The following MRPL44 variants were observed in gnomAD, a reference collection of about 807,000 sequenced individuals.
MRPL44 encodes the protein large ribosomal subunit protein mL44.
Under a neutral mutation model 25.9 loss-of-function variants are expected in MRPL44, and 21 were observed. The observed-to-expected ratio is 0.81, with a 90% CI of 0.58 to 1.17. The LOEUF (loss-of-function observed/expected upper bound fraction) is 1.17, where lower values mean the gene tolerates loss of function less well. Ranked by LOEUF, MRPL44 falls within the 50% of genes most tolerant of loss-of-function variation. The probability of loss-of-function intolerance (pLI) is 0.00; values close to 1 mark genes in which losing one functional copy is unlikely to be tolerated. For synonymous variants in MRPL44, 169 were observed against 151.0 expected (o/e 1.12, Z -0.87); for missense variants, 410 against 398.9 (o/e 1.03, Z -0.24).
At chr2:223,957,267 T>C (rs16865355), upstream of MRPL44, 6 of 621,854 alleles carry the variant, frequency 9.6e-6, no homozygotes, top group East Asian at 2.7e-5. Flanking sequence ...AGGAGAGAAC[T>C]AGCGCAAGCG....
chr2:223,962,297 G>C (rs533813430), intron 2 of MRPL44, among the ~76,000 whole-genome samples: 1 of 152,016 alleles, frequency 6.6e-6, no homozygotes, highest in African/African-American at 2.4e-5. Context: ...CAAAGTGCTG[G>C]GATTATAGGT....
upstream of MRPL44, among the ~76,000 whole-genome samples, chr2:223,955,887 A>T (rs943999591): frequency 1.3e-5 from 2 of 152,216 alleles, no homozygotes; most frequent in Non-Finnish European, 2.9e-5. Context: ...AGCAGATTTT[A>T]AAAAACTGGT....
At chr2:223,965,284 T>C (rs1243407544) in intron 3 of MRPL44, among the ~76,000 whole-genome samples, 2 of 152,212 alleles carry the variant, frequency 1.3e-5, no homozygotes, top group Non-Finnish European at 2.9e-5. Context: ...TAATAGAACC[T>C]TTGTTTCATT....
chr2:223,951,029 A>G, the MRPL44 span, among the ~76,000 whole-genome samples: 1 of 152,110 alleles, frequency 6.6e-6, no homozygotes, highest in Non-Finnish European at 1.5e-5. Flanking sequence ...AGAGGAGCCA[A>G]CCTCCCCCTG....
At position 223,967,218 on chromosome 2, in the gene MRPL44, C is replaced by A; in HGVS notation, c.*184C>A. 1 of 614,786 alleles carries A rather than the reference C, an allele frequency of 1.6e-6. No homozygotes were observed. The highest frequency in any genetic ancestry group is 2.6e-6 in the Non-Finnish European group (1 of 379,884). 38.1% of individuals were successfully genotyped at this position (614,786 alleles called of 1,614,324 possible). On this transcript the variant is annotated 3_prime_UTR_variant, in exon 4 of 4. Transcript: ENST00000258383. ...GTTTTTGGTTTTGTTTTTCTGAAATCTTGGTTTGATCAAATCTTTTTTTTT... is the reference window on the plus strand; with the variant it reads ...GTTTTTGGTTTTGTTTTTCTGAAATATTGGTTTGATCAAATCTTTTTTTTT...
At chr2:223,964,002 C>CTTT (rs1689706283) in intron 3 of MRPL44, 68 bp downstream of exon 3, 1 of 1,239,426 alleles carries the variant, frequency 8.1e-7, no homozygotes, top group Non-Finnish European at 1.2e-6. Context: ...CTCACAAAGC[C>CTTT]TTAAAAACAC....
rs1553540352 is a variant in MRPL44, at chr2:223,967,060, C to T, written c.*26C>T. On this transcript the variant is annotated 3_prime_UTR_variant, in exon 4 of 4. Coordinates refer to ENST00000258383, the MANE Select transcript of MRPL44 (RefSeq NM_022915.5). ...CCGCCATGGATGCAGCAGCCTGAAA[C>T]TTGAGAGCGAAAGTGAGATAAATGT... 1.3e-6 allele frequency: 2 copies of T among 1,566,808 alleles called. No individual in the cohort carries two copies. Among genetic ancestry groups the T allele is most frequent in the Non-Finnish European group, 1.7e-6 (2 of 1,154,566 alleles).
At chr2:223,952,964 G>A (rs77247611), upstream of MRPL44, among the ~76,000 whole-genome samples, 1,489 of 152,266 alleles carry the variant, frequency 9.8e-3, 24 homozygotes, top group African/African-American at 0.034. Context: ...AAGCCATCAT[G>A]AGGATTGTAG....
intron 2 of MRPL44, among the ~76,000 whole-genome samples, chr2:223,960,829 G>C (rs374425209): frequency 6.6e-6 from 1 of 152,148 alleles, no homozygotes; most frequent in Non-Finnish European, 1.5e-5. Flanking sequence ...TAACTCTGTG[G>C]AGTAAGTTTT....
In MRPL44 at chr2:223,959,763, C is replaced by G. The variant is rs749615621; in HGVS notation, c.409C>G (p.Leu137Val). The G allele has an allele frequency of 5.0e-6, 8 of 1,614,078 alleles. No individual in the cohort carries two copies. In the Admixed American group the frequency reaches 1.2e-4, roughly 24 times the overall value. Residue 137 changes from leucine to valine, a missense_variant, in exon 2 of 4, where the codon CTT becomes GTT. Transcript: ENST00000258383. Reference sequence around the variant, plus strand: ...AGGGACATCTTTTTCACAGACTTGCCTTACACAGTTTCTTGAAGACGAGTA... The same window carrying G: ...AGGGACATCTTTTTCACAGACTTGCGTTACACAGTTTCTTGAAGACGAGTA... ...EQGTSFSQTC[L>V]TQFLEDEYPD...
upstream of MRPL44, among the ~76,000 whole-genome samples, chr2:223,955,644 G>A (rs571873639): frequency 2.6e-5 from 4 of 152,276 alleles, no homozygotes; most frequent in Admixed American, 1.3e-4. Flanking sequence ...CTCTTCCTAA[G>A]TGTGACTTTT....
the MRPL44 span, among the ~76,000 whole-genome samples, chr2:223,951,771 G>A: frequency 6.6e-6 from 1 of 152,096 alleles, no homozygotes; most frequent in Admixed American, 6.5e-5. Flanking sequence ...GAGCCACTGT[G>A]TCTGGCCCCT....
At position 223,967,086 on chromosome 2, in the gene MRPL44, C is replaced by T. The variant is rs763665523; in HGVS notation, c.*52C>T. ...TTGAGAGCGAAAGTGAGATAAATGT[C>T]AAAGGTGTTTCAAGCCAGACATTTT... On this transcript the variant is annotated 3_prime_UTR_variant, in exon 4 of 4. Coordinates refer to ENST00000258383, the MANE Select transcript of MRPL44 (RefSeq NM_022915.5). The T allele has an allele frequency of 1.3e-6, 2 of 1,494,176 alleles. No individual in the cohort carries two copies. The highest frequency in any genetic ancestry group is 1.4e-5 in the African/African-American group (1 of 71,302). The allele number at this position is 1,494,176 out of a possible 1,614,324, so 92.6% of individuals were successfully genotyped here. A position where few individuals can be genotyped will look rare whatever the true frequency, so the allele number is the denominator to read the frequency against.
chr2:223,955,619 C>T (rs1286651657), upstream of MRPL44, among the ~76,000 whole-genome samples: 1 of 152,206 alleles, frequency 6.6e-6, no homozygotes, highest in Non-Finnish European at 1.5e-5. Context: ...AGTGAACCCT[C>T]AATCGCCTCA....
upstream of MRPL44, among the ~76,000 whole-genome samples, chr2:223,955,161 A>G (rs564731543): frequency 1.3e-5 from 2 of 152,302 alleles, no homozygotes; most frequent in South Asian, 4.1e-4. Flanking sequence ...TTTTACTATC[A>G]TGAGTTTTCT....
At chr2:223,962,601 A>G (rs1483841761) in intron 2 of MRPL44, among the ~76,000 whole-genome samples, 2 of 152,246 alleles carry the variant, frequency 1.3e-5, no homozygotes, top group African/African-American at 4.8e-5. Context: ...TCTGCTTTGA[A>G]TGTTCATAAT....
chr2:223,957,210 G>A (rs550296494), upstream of MRPL44, among the ~76,000 whole-genome samples: 95 of 152,342 alleles, frequency 6.2e-4, no homozygotes, highest in Non-Finnish European at 1.2e-3. Context: ...GAAACTTTTG[G>A]GCGCAAACGC....
chr2:223,961,109 C>T (rs930804798), intron 2 of MRPL44, among the ~76,000 whole-genome samples: 14 of 152,108 alleles, frequency 9.2e-5, no homozygotes, highest in East Asian at 5.8e-4. Context: ...GCTCTGAAGC[C>T]GCTATCTAAA....
At chr2:223,959,399 C>T (rs1217986431) in intron 1 of MRPL44, 135 bp from the exon 2 acceptor site, 6 of 681,768 alleles carry the variant, frequency 8.8e-6, no homozygotes. Flanking sequence ...AGAATATCAA[C>T]CTGGCATTAA....
Sources: allele counts gnomAD v4.1 joint callset (sites outside exome capture counted in the v4.1 genomes callset), GRCh38; gene constraint gnomAD v4.1.1; transcripts MANE v1.5; gene names NCBI Gene and HGNC (gene_info 2026-07-23, HGNC 2026-07-21).